The following PEX5L variants were observed in gnomAD, a reference collection of about 807,000 sequenced individuals.
PEX5L encodes PEX5-related protein.
PEX5L carries 30 observed loss-of-function variants against 84.0 expected under a neutral mutation model. The ratio of observed to expected loss-of-function variants is 0.36; its 90% CI spans 0.27 to 0.48. The LOEUF (loss-of-function observed/expected upper bound fraction) is 0.48. Ranked by LOEUF, PEX5L falls within the 20% of genes least tolerant of loss-of-function variation. The pLI is 0.99. For missense variants in PEX5L, 533 were observed against 754.6 expected (o/e 0.71, Z 3.44); for synonymous variants, 270 against 283.1 (o/e 0.95, Z 0.46).
At chr3:179,940,993 T>C (rs1775933445) in intron 2 of PEX5L, among the ~76,000 whole-genome samples, 4 of 152,032 alleles carry the variant, frequency 2.6e-5, no homozygotes, top group African/African-American at 9.7e-5. Context: ...AGGCCAGAGG[T>C]AGAAAAGATG....
intron 10 of PEX5L, among the ~76,000 whole-genome samples, chr3:179,813,052 T>C (rs1461432710): frequency 6.6e-6 from 1 of 152,208 alleles, no homozygotes; most frequent in Non-Finnish European, 1.5e-5. Context: ...CCTCCAAATA[T>C]CCTTGATTCT....
chr3:179,920,456 C>G (rs1024864615), intron 2 of PEX5L, among the ~76,000 whole-genome samples: 1 of 151,922 alleles, frequency 6.6e-6, no homozygotes, highest in Admixed American at 6.6e-5. Context: ...AAATCAGAAG[C>G]ATTTGAAAAA....
chr3:179,907,032 T>C (rs1578289626), intron 2 of PEX5L, among the ~76,000 whole-genome samples: 1 of 151,762 alleles, frequency 6.6e-6, no homozygotes, highest in African/African-American at 2.4e-5. Flanking sequence ...TATTTTATGA[T>C]TGGAAAGTAT....
intron 1 of PEX5L, among the ~76,000 whole-genome samples, chr3:179,991,773 T>A (rs1333164340): frequency 1.3e-5 from 2 of 152,198 alleles, no homozygotes; most frequent in Non-Finnish European, 2.9e-5. Context: ...CACTATACCA[T>A]CCATTCTCTT....
chr3:179,998,288 T>TA (rs1788079573), intron 1 of PEX5L, among the ~76,000 whole-genome samples: 1 of 152,220 alleles, frequency 6.6e-6, no homozygotes, highest in African/African-American at 2.4e-5. Context: ...TTGGGTGTGT[T>TA]ACTCAGGCCC....
intron 13 of PEX5L, 135 bp downstream of exon 13, chr3:179,808,134 CATT>C (rs1560168402): frequency 1.5e-6 from 1 of 657,240 alleles, no homozygotes; most frequent in East Asian, 2.8e-5. Flanking sequence ...CACAGTAGCA[CATT>C]ATTATTAGTA....
At chr3:179,968,809 T>G (rs1373313541) in intron 2 of PEX5L, among the ~76,000 whole-genome samples, 2 of 152,084 alleles carry the variant, frequency 1.3e-5, no homozygotes, top group Non-Finnish European at 2.9e-5. Flanking sequence ...GAAATGTTTT[T>G]ATACATATCC....
chr3:179,808,679 G>A (rs1722372554), intron 12 of PEX5L, among the ~76,000 whole-genome samples: 1 of 152,174 alleles, frequency 6.6e-6, no homozygotes, highest in African/African-American at 2.4e-5. Context: ...TTCACGAGGC[G>A]AGTTCTGTTG....
chr3:179,829,213 T>C (rs1391779985), intron 8 of PEX5L, among the ~76,000 whole-genome samples: 1 of 152,166 alleles, frequency 6.6e-6, no homozygotes, highest in African/African-American at 2.4e-5. Context: ...TTTACTATTT[T>C]TGCTTTTCTC....
At position 180,024,373 on chromosome 3, in the gene PEX5L, T is replaced by TATATAC. The variant is rs1396023654; in HGVS notation, c.21+12205_21+12206insGTATAT. Among the ~76,000 whole-genome samples, 150 of 78,964 alleles carry TATATAC rather than the reference T, an allele frequency of 1.9e-3. 1 individual carries two copies. Among genetic ancestry groups the TATATAC allele is most frequent in the African/African-American group, 4.5e-3 (47 of 10,468 alleles). 51.8% of individuals were successfully genotyped at this position (78,964 alleles called of 152,430 possible). On this transcript the variant is annotated intron_variant, in intron 1 of 14. Coordinates refer to ENST00000467460, the MANE Select transcript of PEX5L (RefSeq NM_016559.3). ...ATATATATATATATATATATATATA[T>TATATAC]ACACACACAAAAAAAAAAAAAATTA...
chr3:179,844,174 T>G (rs1738368498), intron 8 of PEX5L, among the ~76,000 whole-genome samples: 1 of 152,180 alleles, frequency 6.6e-6, no homozygotes, highest in Non-Finnish European at 1.5e-5. Context: ...CGTGTGTGCA[T>G]GTGTGTGTGT....
chr3:179,802,675 C>T (rs1438583425), intron 14 of PEX5L, among the ~76,000 whole-genome samples: 3 of 151,638 alleles, frequency 2.0e-5, no homozygotes, highest in Non-Finnish European at 4.4e-5. Flanking sequence ...ATGATTTGAA[C>T]ACTTAATGCA....
chr3:179,826,817 A>G (rs1365157041), intron 8 of PEX5L, among the ~76,000 whole-genome samples: 1 of 152,214 alleles, frequency 6.6e-6, no homozygotes, highest in Non-Finnish European at 1.5e-5. Context: ...GCACATGTTT[A>G]CTAAGCCTAA....
chr3:179,911,606 T>A (rs1343249924), intron 2 of PEX5L, among the ~76,000 whole-genome samples: 2 of 152,008 alleles, frequency 1.3e-5, no homozygotes, highest in Non-Finnish European at 2.9e-5. Context: ...TATTTGGGAG[T>A]CCATAGAATC....
At chr3:179,936,575 G>A (rs1774687758) in intron 2 of PEX5L, among the ~76,000 whole-genome samples, 1 of 36,528 alleles carries the variant, frequency 2.7e-5, no homozygotes, top group African/African-American at 1.0e-4. Context: ...ATTCTGCCCT[G>A]TTAACTTTCC....
At chr3:180,008,370 G>A (rs1301851622) in intron 1 of PEX5L, among the ~76,000 whole-genome samples, 5 of 152,270 alleles carry the variant, frequency 3.3e-5, no homozygotes, top group East Asian at 1.9e-4. Flanking sequence ...CATTTTGGGC[G>A]AAGCCATTCA....
intron 7 of PEX5L, among the ~76,000 whole-genome samples, chr3:179,869,046 G>C (rs948453950): frequency 2.6e-5 from 4 of 152,172 alleles, no homozygotes; most frequent in Admixed American, 1.3e-4. Context: ...CATTTAAATT[G>C]TTCTGGTTTG....
chr3:179,856,408 G>A (rs1743961866), intron 8 of PEX5L, among the ~76,000 whole-genome samples: 1 of 152,050 alleles, frequency 6.6e-6, no homozygotes, highest in African/African-American at 2.4e-5. Flanking sequence ...CTCTGTTATG[G>A]GATACTTCGG....
chr3:179,887,084 G>A (rs1036808280), intron 4 of PEX5L, among the ~76,000 whole-genome samples: 1 of 152,184 alleles, frequency 6.6e-6, no homozygotes, highest in African/African-American at 2.4e-5. Flanking sequence ...ATTGAGTGCC[G>A]ATTCCTATAT....
Sources: gnomAD v4.1 joint callset for allele counts (sites outside exome capture counted in the v4.1 genomes callset) on GRCh38, gnomAD v4.1.1 for gene constraint, MANE v1.5 for transcripts, NCBI Gene and HGNC (gene_info 2026-07-23, HGNC 2026-07-21) for gene names.